The following PCDHGB2 variants were observed in gnomAD, a reference collection of about 807,000 sequenced individuals.
PCDHGB2 encodes the protein protocadherin gamma-B2.
In PCDHGB2, 55 loss-of-function variants were observed where a neutral mutation model predicts 59.3. The observed-to-expected ratio is 0.93, with a 90% confidence interval of 0.75 to 1.16. The LOEUF is 1.16. Ranked by LOEUF, PCDHGB2 falls within the 50% of genes most tolerant of loss-of-function variation. PCDHGB2 has a pLI of 0.00. For missense variants in PCDHGB2, 1,228 were observed against 1,198.5 expected, an observed-to-expected ratio of 1.02 and a Z score of -0.36; for synonymous variants, 516 against 512.0, an observed-to-expected ratio of 1.01 and a Z score of -0.11.
chr5:141,419,539 G>A, intron 1 of PCDHGB2: 3 of 1,612,058 alleles, frequency 1.9e-6, no homozygotes, highest in Non-Finnish European at 2.5e-6. Flanking sequence ...ACAACGCACC[G>A]CGGGTGCTGT....
intron 3 of PCDHGB2, among the ~76,000 whole-genome samples, chr5:141,506,567 T>G (rs2099855029): frequency 6.6e-6 from 1 of 152,182 alleles, no homozygotes; most frequent in Non-Finnish European, 1.5e-5. Flanking sequence ...CCCCCTCGGT[T>G]TCACTTACTA....
chr5:141,424,023 A>G (rs1391381195), intron 1 of PCDHGB2: 1 of 1,047,166 alleles, frequency 9.5e-7, no homozygotes, highest in Non-Finnish European at 1.2e-6. Context: ...TGATTCACAA[A>G]CACTTTTTAT....
intron 1 of PCDHGB2, among the ~76,000 whole-genome samples, chr5:141,402,158 G>A (rs1276790302): frequency 2.0e-5 from 3 of 151,990 alleles, no homozygotes; most frequent in Non-Finnish European, 2.9e-5. Context: ...AATATTAGGC[G>A]AGAACATCTG....
intron 1 of PCDHGB2, chr5:141,415,029 G>T (rs777967290): frequency 8.1e-6 from 13 of 1,613,554 alleles, no homozygotes; most frequent in Non-Finnish European, 1.0e-5. Context: ...CCAGCGAGCC[G>T]GGACTCTTCG....
rs1327610213 is a variant in PCDHGB2 at position 141,423,493 on chromosome 5, C to T, written c.2421+60937C>T. 5 of 1,613,984 alleles carry T rather than the reference C, an allele frequency of 3.1e-6. No homozygotes were observed. In the South Asian group the frequency reaches 5.5e-5, roughly 18 times the overall value. On this transcript the variant is annotated intron_variant, in intron 1 of 3. Coordinates refer to ENST00000522605, the MANE Select transcript of PCDHGB2 (RefSeq NM_018923.3). The stretch of plus-strand genomic sequence containing the variant: ...ACAGGCTTTCCTGCAAACCTATTCC[C>T]ACGAGGTCTCTCTCATTGCGGACTC...
At chr5:141,403,945 A>C in intron 1 of PCDHGB2, 3 of 1,613,926 alleles carry the variant, frequency 1.9e-6, no homozygotes, top group Non-Finnish European at 2.5e-6. Flanking sequence ...AAGGGTGGAC[A>C]AAAGTGCTCA....
At chr5:141,407,980 C>G in intron 1 of PCDHGB2, 1 of 760,358 alleles carries the variant, frequency 1.3e-6, no homozygotes, top group Non-Finnish European at 2.0e-6. Flanking sequence ...CGCCGGGGAT[C>G]CGTCAGCCTC....
At chr5:141,393,177 G>T (rs1330463387) in intron 1 of PCDHGB2, 1 of 1,613,292 alleles carries the variant, frequency 6.2e-7, no homozygotes, top group Non-Finnish European at 8.5e-7. Context: ...GGTAGAAATA[G>T]AAATAATTGA....
chr5:141,397,639 G>A (rs1391771739), intron 1 of PCDHGB2, among the ~76,000 whole-genome samples: 2 of 152,180 alleles, frequency 1.3e-5, no homozygotes, highest in Non-Finnish European at 2.9e-5. Context: ...AGAGTTCAAG[G>A]TATGTTTGCA....
chr5:141,426,375 G>A, intron 1 of PCDHGB2: 2 of 216,424 alleles, frequency 9.2e-6, no homozygotes, highest in South Asian at 7.8e-5. Flanking sequence ...GGGCACCCTC[G>A]GAGCAGATCC....
intron 1 of PCDHGB2, chr5:141,389,284 C>G (rs1227474648): frequency 1.1e-5 from 17 of 1,613,930 alleles, no homozygotes; most frequent in Admixed American, 1.7e-5. Flanking sequence ...CCGCCTGGAG[C>G]CTCTATTTCA....
At chr5:141,388,908 G>A (rs1240421900) in intron 1 of PCDHGB2, 5 of 1,613,892 alleles carry the variant, frequency 3.1e-6, no homozygotes, top group Admixed American at 1.7e-5. Flanking sequence ...AAATGACAAC[G>A]CCCCAGAAGT....
chr5:141,422,629 A>C lies in PCDHGB2; in HGVS notation c.2421+60073A>C, dbSNP rs780472571. 1.9e-6 allele frequency: 3 copies of C among 1,613,270 alleles called. No homozygotes were observed. The Admixed American group carries it at 5.0e-5, about 27-fold the overall frequency. Reference sequence around the variant, plus strand: ...TGCCTACATTCCCGAAAACAACCCCAGGGGTGCCTCCATCTTCTCAGTGAC... The same window carrying C: ...TGCCTACATTCCCGAAAACAACCCCCGGGGTGCCTCCATCTTCTCAGTGAC... On this transcript the variant is annotated intron_variant, in intron 1 of 3. Transcript: ENST00000522605.
chr5:141,443,166 C>T (rs914863821), intron 1 of PCDHGB2, among the ~76,000 whole-genome samples: 2 of 152,124 alleles, frequency 1.3e-5, no homozygotes, highest in African/African-American at 4.8e-5. Context: ...ATTTCCCTAC[C>T]CATGTCCACT....
chr5:141,439,618 C>T (rs964445098), intron 1 of PCDHGB2, among the ~76,000 whole-genome samples: 2 of 152,178 alleles, frequency 1.3e-5, no homozygotes, highest in East Asian at 3.8e-4. Context: ...GATAAATGAG[C>T]CAATCCCCAG....
intron 1 of PCDHGB2, chr5:141,414,372 A>G: frequency 1.2e-6 from 2 of 1,613,914 alleles, no homozygotes; most frequent in Non-Finnish European, 1.7e-6. Context: ...TTAAATTAGA[A>G]AAGTCCATTG....
At chr5:141,421,164 A>C (rs1304650780) in intron 1 of PCDHGB2, 9 of 1,286,298 alleles carry the variant, frequency 7.0e-6, no homozygotes, top group Non-Finnish European at 9.4e-6. Context: ...GACTTCATAG[A>C]TACATAAGCC....
chr5:141,399,960 G>T, intron 1 of PCDHGB2: 1 of 1,612,214 alleles, frequency 6.2e-7, no homozygotes, highest in Non-Finnish European at 8.5e-7. Flanking sequence ...GCGAGCCCGG[G>T]CTCTTCAGCC....
At chr5:141,389,927 C>A (rs2091975121) in intron 1 of PCDHGB2, 2 of 1,613,944 alleles carry the variant, frequency 1.2e-6, no homozygotes, top group African/African-American at 2.7e-5. Flanking sequence ...ACCCCTCTGA[C>A]CTCCAGGCTG....
Sources: gnomAD v4.1 joint callset for allele counts (sites outside exome capture counted in the v4.1 genomes callset) on GRCh38, gnomAD v4.1.1 for gene constraint, MANE v1.5 for transcripts, NCBI Gene and HGNC (gene_info 2026-07-23, HGNC 2026-07-21) for gene names.